Variants in SLC41A2 observed in about 807,000 individuals in gnomAD.
SLC41A2 encodes SLC41A1-like 1.
A neutral mutation model predicts 58.3 loss-of-function variants in SLC41A2; 32 were observed. The observed-to-expected ratio is 0.55, with a 90% CI of 0.41 to 0.74. The LOEUF is 0.74. Ranked by LOEUF, SLC41A2 falls within the 30% of genes least tolerant of loss-of-function variation. The pLI, the probability that SLC41A2 is intolerant of heterozygous loss-of-function variation, is 0.00. For missense variants in SLC41A2, 514 were observed against 680.6 expected (o/e 0.76, Z 2.72); for synonymous variants, 190 against 235.0 (o/e 0.81, Z 1.75).
At position 104,911,198 on chromosome 12, in the gene SLC41A2, C is replaced by T. The variant is rs549589758; in HGVS notation, c.556-1436G>A. Among the ~76,000 whole-genome samples, 24 of 152,290 alleles carry T rather than the reference C, an allele frequency of 1.6e-4. 1 individual carries two copies. The South Asian group carries it at 4.6e-3, about 29-fold the overall frequency. ...CTGAACCAAACCAATGTATAACTTA[C>T]ATGTATTGATCGATGTCTGCCTGTA... On this transcript the variant is annotated intron_variant, in intron 2 of 10. Coordinates refer to ENST00000258538, the MANE Select transcript of SLC41A2 (RefSeq NM_001352171.3).
intron 6 of SLC41A2, among the ~76,000 whole-genome samples, chr12:104,874,223 G>T (rs2043936193): frequency 6.6e-6 from 1 of 151,784 alleles, no homozygotes; most frequent in African/African-American, 2.4e-5. Context: ...ACAGGCGCCT[G>T]CCACCCTGCC....
In SLC41A2 at chr12:104,884,016, C is replaced by T. The variant is rs569768238; in HGVS notation, c.1027+2277G>A. ...CTCCACCCAGTTTGAGCTTCCCAGCCGCTTTGTTTACCTAGTCAAGCCTCA... is the reference window on the plus strand; with the variant it reads ...CTCCACCCAGTTTGAGCTTCCCAGCTGCTTTGTTTACCTAGTCAAGCCTCA... On this transcript the variant is annotated intron_variant, in intron 6 of 10. Transcript: ENST00000258538. 5.9e-5 allele frequency among the ~76,000 whole-genome samples: 9 copies of T among 152,332 alleles called. No homozygotes were observed. In the South Asian group the frequency reaches 6.2e-4, roughly 11 times the overall value.
chr12:104,935,946 AC>A (rs1342908454), intron 1 of SLC41A2, among the ~76,000 whole-genome samples: 2 of 152,102 alleles, frequency 1.3e-5, no homozygotes, highest in Non-Finnish European at 2.9e-5. Context: ...GGGAGGCTGA[AC>A]CATGAGAATT....
At position 104,830,347 on chromosome 12, in the gene SLC41A2, T is replaced by C. The variant is rs146609797; in HGVS notation, c.1536+14125A>G. Among the ~76,000 whole-genome samples, 101 of 152,346 alleles carry C rather than the reference T, an allele frequency of 6.6e-4. No homozygotes were observed. In the Middle Eastern group the frequency reaches 0.01, roughly 15 times the overall value. ...TGCATATAACCTACACATGTCCTCC[T>C]GAATACTTTAAAACATCTTTAGATT... On this transcript the variant is annotated intron_variant, in intron 10 of 10. Transcript: ENST00000258538.
rs765800930 is a variant in SLC41A2 at position 104,928,310 on chromosome 12, A to G, written c.218T>C (p.Val73Ala). 4 of 1,613,300 alleles carry G rather than the reference A, an allele frequency of 2.5e-6. No individual in the cohort carries two copies. The African/African-American group carries it at 5.3e-5, about 22-fold the overall frequency. Residue 73 changes from valine to alanine, a missense_variant, in exon 2 of 11, where the codon GTA becomes GCA. Physicochemically the swap from Val to Ala is moderately conservative, Grantham distance 64. Transcript: ENST00000258538. ...GIWQDGLSTA[V>A]QTFSNRSEQH... Reference sequence around the variant, plus strand: ...CTCAGATCTATTACTAAAAGTCTGTACTGCAGTTGATAATCCATCTTGCCA... The same window carrying G: ...CTCAGATCTATTACTAAAAGTCTGTGCTGCAGTTGATAATCCATCTTGCCA...
chr12:104,898,117 T>C (rs1425142135), intron 3 of SLC41A2, among the ~76,000 whole-genome samples: 2 of 152,174 alleles, frequency 1.3e-5, no homozygotes, highest in Non-Finnish European at 2.9e-5. Flanking sequence ...TATCTTAAAG[T>C]ATTAGAAAAA....
At chr12:104,864,180 C>A (rs2043326659) in intron 7 of SLC41A2, among the ~76,000 whole-genome samples, 1 of 152,100 alleles carries the variant, frequency 6.6e-6, no homozygotes, top group Admixed American at 6.5e-5. Flanking sequence ...GAAAAATGAA[C>A]CACATGCTGT....
intron 8 of SLC41A2, among the ~76,000 whole-genome samples, chr12:104,850,377 T>G (rs554474104): frequency 6.6e-6 from 1 of 152,326 alleles, no homozygotes; most frequent in African/African-American, 2.4e-5. Flanking sequence ...AGTTTAATCT[T>G]GGGCATACAT....
intron 9 of SLC41A2, 28 bp from the exon 10 acceptor site, chr12:104,844,648 A>C (rs778568549): frequency 1.5e-6 from 2 of 1,326,026 alleles, no homozygotes; most frequent in South Asian, 3.9e-5. Context: ...AAAGTAATTA[A>C]AACAAAATTA....
chr12:104,914,455 A>T (rs935323462), intron 2 of SLC41A2, among the ~76,000 whole-genome samples: 1 of 152,232 alleles, frequency 6.6e-6, no homozygotes, highest in East Asian at 1.9e-4. Flanking sequence ...TTTTTATCAC[A>T]GCACTACTGA....
intron 2 of SLC41A2, among the ~76,000 whole-genome samples, chr12:104,927,696 T>A (rs2046898550): frequency 6.6e-6 from 1 of 152,124 alleles, no homozygotes; most frequent in Non-Finnish European, 1.5e-5. Flanking sequence ...AATATAACAT[T>A]TTGGGAAGAT....
At chr12:104,820,023 T>A (rs2041563435) in intron 10 of SLC41A2, among the ~76,000 whole-genome samples, 1 of 152,212 alleles carries the variant, frequency 6.6e-6, no homozygotes, top group South Asian at 2.1e-4. Flanking sequence ...CTGGACCAAA[T>A]CTGCTACAGC....
intron 2 of SLC41A2, among the ~76,000 whole-genome samples, chr12:104,927,268 T>C (rs1008302598): frequency 6.6e-6 from 1 of 152,144 alleles, no homozygotes; most frequent in African/African-American, 2.4e-5. Flanking sequence ...CATTACTATA[T>C]GAATATATAT....
intron 8 of SLC41A2, among the ~76,000 whole-genome samples, chr12:104,846,892 G>T (rs1055045698): frequency 3.3e-5 from 5 of 152,140 alleles, no homozygotes; most frequent in Non-Finnish European, 7.4e-5. Context: ...CAGAAGAAAA[G>T]AACTCCCATT....
intron 3 of SLC41A2, among the ~76,000 whole-genome samples, chr12:104,896,021 C>A (rs187532457): frequency 1.0e-3 from 154 of 152,268 alleles, no homozygotes; most frequent in African/African-American, 3.5e-3. Context: ...CCAAGTTTTT[C>A]TAAAGTAGTT....
chr12:104,881,197 C>T (rs904311651), intron 6 of SLC41A2, among the ~76,000 whole-genome samples: 2 of 151,864 alleles, frequency 1.3e-5, no homozygotes, highest in African/African-American at 4.8e-5. Context: ...CTATTTGATT[C>T]TTCTCTCTTT....
intron 2 of SLC41A2, among the ~76,000 whole-genome samples, chr12:104,912,442 G>A (rs1357561449): frequency 1.3e-5 from 2 of 152,120 alleles, no homozygotes; most frequent in Non-Finnish European, 2.9e-5. Flanking sequence ...TAATAATCAT[G>A]CCTACATAAT....
intron 10 of SLC41A2, among the ~76,000 whole-genome samples, chr12:104,830,999 T>TTAA (rs1244925227): frequency 2.6e-5 from 4 of 152,144 alleles, no homozygotes; most frequent in Non-Finnish European, 5.9e-5. Flanking sequence ...TTGTATAGAG[T>TTAA]TGTAGATCAT....
At position 104,937,581 on chromosome 12, in the gene SLC41A2, T is replaced by C. The variant is rs558212334; in HGVS notation, c.-167-8887A>G. ...TGTTAGCATACTCTATGATACGCAA[T>C]GATGAAATGCATCTAACAACACATT... On this transcript the variant is annotated intron_variant, in intron 1 of 10. Transcript: ENST00000258538. Among the ~76,000 whole-genome samples, 49 of 152,338 alleles carry C rather than the reference T, an allele frequency of 3.2e-4. 1 individual carries two copies. The South Asian group carries it at 3.7e-3, about 12-fold the overall frequency.
Sources: gnomAD v4.1 joint callset for allele counts (sites outside exome capture counted in the v4.1 genomes callset) on GRCh38, gnomAD v4.1.1 for gene constraint, MANE v1.5 for transcripts, NCBI Gene and HGNC (gene_info 2026-07-23, HGNC 2026-07-21) for gene names.